TSPEAR: variants seen among roughly 807,000 people sequenced by gnomAD.
The protein encoded by TSPEAR is thrombospondin type laminin G domain and EAR repeats.
A neutral mutation model predicts 71.6 loss-of-function variants in TSPEAR; 69 were observed. That is an observed-to-expected ratio of 0.96 (90% CI 0.79 to 1.18). TSPEAR has a LOEUF of 1.18. Ranked by LOEUF, TSPEAR falls within the 50% of genes most tolerant of loss-of-function variation. The pLI, the probability that TSPEAR is intolerant of heterozygous loss-of-function variation, is 0.00. For missense variants in TSPEAR, 971 were observed against 894.9 expected, an observed-to-expected ratio of 1.09 and a Z score of -1.09; for synonymous variants, 402 against 387.2, an observed-to-expected ratio of 1.04 and a Z score of -0.45.
chr21:44,661,027 C>G (rs1423393477), intron 1 of TSPEAR, among the ~76,000 whole-genome samples: 1 of 152,068 alleles, frequency 6.6e-6, no homozygotes, highest in South Asian at 2.1e-4. Flanking sequence ...CGCGGTGGCT[C>G]ACGCCTGTAA....
chr21:44,500,087 G>A (rs1555910958), intron 11 of TSPEAR, 151 bp from the exon 12 acceptor site: 3 of 758,508 alleles, frequency 4.0e-6, no homozygotes, highest in African/African-American at 3.7e-5. Context: ...TGGGGAGATC[G>A]ATTCTGGGCC....
At chr21:44,500,031 T>G (rs1291520045) in intron 11 of TSPEAR, 95 bp from the exon 12 acceptor site, 15 of 1,326,334 alleles carry the variant, frequency 1.1e-5, no homozygotes, top group Non-Finnish European at 1.4e-5. Flanking sequence ...ACCCAGCAGC[T>G]CTGGGTCACA....
At chr21:44,568,353 C>T (rs1168158689) in intron 1 of TSPEAR, among the ~76,000 whole-genome samples, 1 of 152,192 alleles carries the variant, frequency 6.6e-6, no homozygotes, top group Admixed American at 6.5e-5. Flanking sequence ...ATGGCCCCAC[C>T]GCAGCCACGG....
At chr21:44,544,212 T>C (rs2053265222) in intron 2 of TSPEAR, among the ~76,000 whole-genome samples, 1 of 152,238 alleles carries the variant, frequency 6.6e-6, no homozygotes, top group Non-Finnish European at 1.5e-5. Flanking sequence ...GTGAAGGGTC[T>C]ATTTAAGTCA....
intron 1 of TSPEAR, among the ~76,000 whole-genome samples, chr21:44,633,697 T>C (rs1220620097): frequency 6.6e-6 from 1 of 152,204 alleles, no homozygotes; most frequent in Non-Finnish European, 1.5e-5. Context: ...TGTTGTTGGG[T>C]TGAATGTTTT....
chr21:44,643,363 G>A (rs118176466), intron 1 of TSPEAR, among the ~76,000 whole-genome samples: 498 of 152,246 alleles, frequency 3.3e-3, no homozygotes, highest in Non-Finnish European at 5.6e-3. Context: ...CTGTAACACA[G>A]AACGCAACAT....
intron 8 of TSPEAR, among the ~76,000 whole-genome samples, chr21:44,523,428 TAGTC>T (rs587618274): frequency 1.6e-4 from 24 of 151,930 alleles, no homozygotes; most frequent in East Asian, 3.9e-4. Context: ...GTCAGGTAGT[TAGTC>T]AGGTAGTCAG....
At chr21:44,702,396 C>A in intron 1 of TSPEAR, 1 of 1,453,022 alleles carries the variant, frequency 6.9e-7, no homozygotes, top group Admixed American at 1.7e-5. Flanking sequence ...CCAGCTCCTG[C>A]ACGCCCTTGT....
At chr21:44,591,107 G>A (rs1167101714) in intron 1 of TSPEAR, among the ~76,000 whole-genome samples, 1 of 151,996 alleles carries the variant, frequency 6.6e-6, no homozygotes, top group African/African-American at 2.4e-5. Context: ...GACAGAGGTT[G>A]GTGTGAGACA....
chr21:44,591,406 C>A (rs1555926493), intron 1 of TSPEAR: 2 of 1,610,174 alleles, frequency 1.2e-6, no homozygotes. Context: ...GGACTTCTGG[C>A]CAGAGCAGAG....
At chr21:44,610,956 T>C (rs1981627412) in intron 1 of TSPEAR, among the ~76,000 whole-genome samples, 1 of 152,192 alleles carries the variant, frequency 6.6e-6, no homozygotes, top group Non-Finnish European at 1.5e-5. Flanking sequence ...TTTTGGCCAA[T>C]TTCTGCCATT....
intron 1 of TSPEAR, chr21:44,637,300 G>A (rs1983640925): frequency 1.4e-6 from 2 of 1,381,994 alleles, no homozygotes; most frequent in East Asian, 4.6e-5. Flanking sequence ...TCTCCTGCTG[G>A]GAAAACACAG....
chr21:44,575,887 A>G (rs1569196583), intron 1 of TSPEAR, among the ~76,000 whole-genome samples: 3 of 152,124 alleles, frequency 2.0e-5, no homozygotes, highest in Non-Finnish European at 4.4e-5. Flanking sequence ...GGCCTCTCTA[A>G]GGTCAGGGAA....
chr21:44,537,474 GAACAA>G (rs1288535853), intron 2 of TSPEAR, among the ~76,000 whole-genome samples: 1 of 152,166 alleles, frequency 6.6e-6, no homozygotes, highest in Non-Finnish European at 1.5e-5. Context: ...GAGATGAATA[GAACAA>G]AATACAAAAT....
intron 11 of TSPEAR, among the ~76,000 whole-genome samples, chr21:44,503,867 G>A (rs1477979480): frequency 1.4e-4 from 19 of 135,738 alleles, no homozygotes; most frequent in East Asian, 6.8e-4. Flanking sequence ...GGGGGAAGCC[G>A]GCCTTGGTGA....
intron 1 of TSPEAR, among the ~76,000 whole-genome samples, chr21:44,617,200 C>A (rs587686364): frequency 1.3e-5 from 2 of 152,368 alleles, no homozygotes; most frequent in African/African-American, 2.4e-5. Flanking sequence ...GTGGCAGAGG[C>A]CCCAGCTGTG....
intron 1 of TSPEAR, among the ~76,000 whole-genome samples, chr21:44,696,129 C>T (rs782685576): frequency 1.3e-5 from 2 of 152,114 alleles, no homozygotes; most frequent in Non-Finnish European, 2.9e-5. Flanking sequence ...TTTCACATTC[C>T]CACTCATAAA....
At position 44,693,379 on chromosome 21, in the gene TSPEAR, T is replaced by G. The variant is rs141466642; in HGVS notation, c.82+18054A>C. On this transcript the variant is annotated intron_variant, in intron 1 of 11. Transcript: ENST00000323084. ...TTGGACTTCATCAAAATTTAAAACT[T>G]TTTTGAATCAGAGAACACTGTCAAG... 2.9e-4 allele frequency among the ~76,000 whole-genome samples: 44 copies of G among 152,258 alleles called. 1 individual carries two copies. In the East Asian group the frequency reaches 8.3e-3, roughly 29 times the overall value.
At chr21:44,614,118 C>G (rs1415813729) in intron 1 of TSPEAR, among the ~76,000 whole-genome samples, 1 of 152,204 alleles carries the variant, frequency 6.6e-6, no homozygotes, top group Non-Finnish European at 1.5e-5. Flanking sequence ...GTGTCTGTCT[C>G]TGGGGACCTC....
Sources: allele counts gnomAD v4.1 joint callset (sites outside exome capture counted in the v4.1 genomes callset), GRCh38; gene constraint gnomAD v4.1.1; transcripts MANE v1.5; gene names NCBI Gene and HGNC (gene_info 2026-07-23, HGNC 2026-07-21).